The following TMEFF2 variants were observed in gnomAD, a reference collection of about 807,000 sequenced individuals.
The protein encoded by TMEFF2 is transmembrane protein with EGF like and two follistatin like domains 2.
Under a neutral mutation model 53.8 loss-of-function variants are expected in TMEFF2, and 28 were observed. The observed-to-expected ratio is 0.52, with a 90% CI of 0.39 to 0.71. The LOEUF is 0.71. TMEFF2 is among the 30% of genes least tolerant of loss of function. TMEFF2 has a pLI of 0.00. For synonymous variants in TMEFF2, 162 were observed against 166.3 expected, an observed-to-expected ratio of 0.97 and a Z score of 0.20; for missense variants, 353 against 455.2, an observed-to-expected ratio of 0.78 and a Z score of 2.04.
intron 7 of TMEFF2, among the ~76,000 whole-genome samples, chr2:191,976,660 AAG>A (rs1685736669): frequency 6.6e-6 from 1 of 152,212 alleles, no homozygotes; most frequent in South Asian, 2.1e-4. Context: ...TCTAGAAAGA[AAG>A]AGTCTGAAAA....
chr2:192,017,997 C>T (rs1686779691), intron 5 of TMEFF2, among the ~76,000 whole-genome samples: 1 of 149,540 alleles, frequency 6.7e-6, no homozygotes, highest in South Asian at 2.1e-4. Flanking sequence ...CACCTCTTTA[C>T]CCTCACTTTC....
chr2:192,131,054 G>A (rs188298732), intron 4 of TMEFF2, among the ~76,000 whole-genome samples: 7 of 143,648 alleles, frequency 4.9e-5, no homozygotes, highest in African/African-American at 1.5e-4. Flanking sequence ...TTCTGGGGAA[G>A]GGGCAAGTAC....
At chr2:192,123,339 T>A (rs1481221463) in intron 4 of TMEFF2, among the ~76,000 whole-genome samples, 1 of 152,160 alleles carries the variant, frequency 6.6e-6, no homozygotes, top group East Asian at 1.9e-4. Flanking sequence ...AAGTTTATGT[T>A]TTTTTTCCTA....
chr2:191,973,463 A>G (rs987400490), intron 7 of TMEFF2, among the ~76,000 whole-genome samples: 6 of 95,906 alleles, frequency 6.3e-5, no homozygotes, highest in Non-Finnish European at 1.3e-4. Flanking sequence ...ACATATGCAT[A>G]TATATACCTA....
At chr2:192,043,940 A>G (rs1354578393) in intron 5 of TMEFF2, 2 of 152,234 alleles carry the variant, frequency 1.3e-5, no homozygotes, top group South Asian at 2.1e-4. Flanking sequence ...GTGGATTATT[A>G]TAAGCTTAAC....
At chr2:191,962,954 A>T (rs985364132) in intron 7 of TMEFF2, among the ~76,000 whole-genome samples, 3 of 152,186 alleles carry the variant, frequency 2.0e-5, no homozygotes, top group African/African-American at 7.2e-5. Context: ...GCAAGTGGGT[A>T]ACTCCTATCA....
At chr2:192,088,364 G>C (rs1688713807) in intron 4 of TMEFF2, among the ~76,000 whole-genome samples, 1 of 152,028 alleles carries the variant, frequency 6.6e-6, no homozygotes, top group Non-Finnish European at 1.5e-5. Flanking sequence ...ATGTCCAATA[G>C]CTGGGGAAAT....
chr2:192,159,171 C>G (rs1459224504), intron 4 of TMEFF2, among the ~76,000 whole-genome samples: 3 of 152,042 alleles, frequency 2.0e-5, no homozygotes, highest in Admixed American at 6.6e-5. Context: ...AATGGGGAAT[C>G]GCAGGCACAA....
chr2:192,005,820 G>A (rs1041865025), intron 5 of TMEFF2, among the ~76,000 whole-genome samples: 2 of 152,078 alleles, frequency 1.3e-5, no homozygotes, highest in Non-Finnish European at 2.9e-5. Flanking sequence ...AGATGCTTAT[G>A]ATACTTTAAG....
intron 4 of TMEFF2, chr2:192,178,961 T>C (rs1229008587): frequency 6.6e-6 from 1 of 151,244 alleles, no homozygotes; most frequent in African/African-American, 2.4e-5. Flanking sequence ...ATTTGGGACA[T>C]TTACAATTTA....
At chr2:192,079,646 A>G (rs1688508775) in intron 4 of TMEFF2, among the ~76,000 whole-genome samples, 1 of 152,236 alleles carries the variant, frequency 6.6e-6, no homozygotes, top group South Asian at 2.1e-4. Context: ...TAAAGATTAA[A>G]ATGATTTTTC....
chr2:191,964,348 CTT>C (rs752414613), intron 7 of TMEFF2, among the ~76,000 whole-genome samples: 34 of 104,576 alleles, frequency 3.3e-4, no homozygotes, highest in African/African-American at 1.4e-3. Context: ...TTCTTTCTTT[CTT>C]TCTTTCTTTC....
chr2:192,054,640 C>T (rs1409363330), intron 5 of TMEFF2, among the ~76,000 whole-genome samples: 1 of 152,178 alleles, frequency 6.6e-6, no homozygotes, highest in Non-Finnish European at 1.5e-5. Flanking sequence ...CCAGCTCTAA[C>T]CTTGCAGGCC....
At chr2:192,168,950 C>T (rs1690839410) in intron 4 of TMEFF2, among the ~76,000 whole-genome samples, 1 of 151,982 alleles carries the variant, frequency 6.6e-6, no homozygotes, top group Non-Finnish European at 1.5e-5. Context: ...AACTCCTGGC[C>T]TCAAGCGATC....
At chr2:192,166,075 G>T (rs373795048) in intron 4 of TMEFF2, among the ~76,000 whole-genome samples, 1 of 152,148 alleles carries the variant, frequency 6.6e-6, no homozygotes, top group Non-Finnish European at 1.5e-5. Context: ...AGTTCGTGAC[G>T]CAGTGGGAGT....
rs574865170 is a variant in TMEFF2, at chr2:192,194,589, G to C, written c.-65C>G. On this transcript the variant is annotated 5_prime_UTR_variant, in exon 1 of 10. Transcript: ENST00000272771. The surrounding 1 kb of genome is among the most constrained non-coding windows in gnomAD (Gnocchi z 4.2). The stretch of plus-strand genomic sequence containing the variant: ...AGGAACACAGGATCGCGGGGGCCGG[G>C]CAGCGGGCTACTGAGCATCCCGCGG... 1 of 1,563,966 alleles carries C rather than the reference G, an allele frequency of 6.4e-7. No individual in the cohort carries two copies. Among genetic ancestry groups the C allele is most frequent in the Non-Finnish European group, 8.7e-7 (1 of 1,147,068 alleles).
chr2:192,108,147 G>A (rs1372087503), intron 4 of TMEFF2, among the ~76,000 whole-genome samples: 4 of 151,646 alleles, frequency 2.6e-5, no homozygotes, highest in Non-Finnish European at 5.9e-5. Context: ...TTTAGAGCAG[G>A]CAATTAACTC....
chr2:192,083,774 G>C (rs1688607110), intron 4 of TMEFF2, among the ~76,000 whole-genome samples: 1 of 151,142 alleles, frequency 6.6e-6, no homozygotes, highest in Non-Finnish European at 1.5e-5. Flanking sequence ...TCCAGACTTT[G>C]TTTACTCTTT....
intron 4 of TMEFF2, among the ~76,000 whole-genome samples, chr2:192,097,043 A>T (rs1688928340): frequency 6.6e-6 from 1 of 152,180 alleles, no homozygotes; most frequent in African/African-American, 2.4e-5. Context: ...GAAATCATCA[A>T]ATTTGTGTGT....
Sources: gnomAD v4.1 joint callset for allele counts (sites outside exome capture counted in the v4.1 genomes callset) on GRCh38, gnomAD v4.1.1 for gene constraint, Gnocchi (gnomAD v3.1) non-coding constraint, MANE v1.5 for transcripts, NCBI Gene and HGNC (gene_info 2026-07-23, HGNC 2026-07-21) for gene names.